The following MYT1L variants were observed in gnomAD, a reference collection of about 807,000 sequenced individuals.
MYT1L encodes the protein myelin transcription factor 1 like.
A neutral mutation model predicts 126.7 loss-of-function variants in MYT1L; 12 were observed. That is an observed-to-expected ratio of 0.09 (90% CI 0.06 to 0.15). MYT1L has a LOEUF of 0.15. MYT1L is among the 10% of genes least tolerant of loss of function. The probability of loss-of-function intolerance (pLI) is 1.00; values close to 1 mark genes in which losing one functional copy is unlikely to be tolerated. For missense variants in MYT1L, 979 were observed against 1,585.2 expected, an observed-to-expected ratio of 0.62 and a Z score of 6.49; for synonymous variants, 541 against 604.2, an observed-to-expected ratio of 0.90 and a Z score of 1.53.
chr2:2,236,191 T>TCCCAA (rs2094297519), intron 2 of MYT1L, among the ~76,000 whole-genome samples: 1 of 133,556 alleles, frequency 7.5e-6, no homozygotes, highest in Non-Finnish European at 1.6e-5. Flanking sequence ...ACCCAGCACA[T>TCCCAA]CCCAACCCAA....
chr2:1,950,010 C>A (rs919609493), intron 8 of MYT1L, among the ~76,000 whole-genome samples: 1 of 152,110 alleles, frequency 6.6e-6, no homozygotes, highest in African/African-American at 2.4e-5. Flanking sequence ...TTAATACCAG[C>A]ACTGCTTAGA....
At chr2:2,190,599 A>C (rs1559288424) in intron 2 of MYT1L, among the ~76,000 whole-genome samples, 1 of 151,886 alleles carries the variant, frequency 6.6e-6, no homozygotes, top group African/African-American at 2.4e-5. Context: ...CTCACAGAAG[A>C]AAGTACTTGT....
chr2:1,984,990 C>T (rs977267543), intron 5 of MYT1L, among the ~76,000 whole-genome samples: 5 of 152,142 alleles, frequency 3.3e-5, no homozygotes, highest in Non-Finnish European at 5.9e-5. Flanking sequence ...GAGTCTCTAG[C>T]CACAGGGACC....
At position 2,009,918 on chromosome 2, in the gene MYT1L, T is replaced by TTC. The variant is rs552518279; in HGVS notation, c.-157-12572_-157-12571insGA. On this transcript the variant is annotated intron_variant, in intron 4 of 24. Transcript: ENST00000647738. ...TAAGAGTTTTTTTTTTTTTTTTTTT[T>TTC]CATGAAAGGGTGTTGAACTTTGTGA... Among the ~76,000 whole-genome samples, 645 of 148,596 alleles carry TTC rather than the reference T, an allele frequency of 4.3e-3. 8 individuals carry two copies. The highest frequency in any genetic ancestry group is 0.015 in the African/African-American group (597 of 40,132).
rs1485996228 is a variant in MYT1L at position 1,806,821 on chromosome 2, G to A, written c.3172+2255C>T. Among the ~76,000 whole-genome samples the A allele has an allele frequency of 6.6e-6, 1 of 152,160 alleles. No homozygotes were observed. The highest frequency in any genetic ancestry group is 1.5e-5 in the Non-Finnish European group (1 of 68,028). ...AACCGCCACTTCCTTCATTAATGGG[G>A]AACAAAGGCACGTGGACTCGGATCA... On this transcript the variant is annotated intron_variant, in intron 22 of 24. Coordinates refer to ENST00000647738, the MANE Select transcript of MYT1L (RefSeq NM_001303052.2). The surrounding 1 kb of genome is among the most constrained non-coding windows in gnomAD (Gnocchi z 4.9).
chr2:2,085,847 CCT>C (rs1364116984), intron 3 of MYT1L, among the ~76,000 whole-genome samples: 1 of 152,176 alleles, frequency 6.6e-6, no homozygotes, highest in African/African-American at 2.4e-5. Flanking sequence ...CTCTCAGGCC[CCT>C]CTGTCCCCAC....
intron 8 of MYT1L, among the ~76,000 whole-genome samples, chr2:1,963,405 T>C (rs2149396795): frequency 6.6e-6 from 1 of 152,350 alleles, no homozygotes; most frequent in Admixed American, 6.5e-5. Flanking sequence ...AGAATGTAAA[T>C]GAGCATAAGC....
At chr2:2,265,439 T>G (rs1034720913) in intron 2 of MYT1L, among the ~76,000 whole-genome samples, 5 of 152,126 alleles carry the variant, frequency 3.3e-5, no homozygotes, top group African/African-American at 1.2e-4. Flanking sequence ...TAATAAATGA[T>G]AACTTTATTA....
intron 1 of MYT1L, among the ~76,000 whole-genome samples, chr2:2,329,059 T>C (rs1422427932): frequency 6.6e-6 from 1 of 152,210 alleles, no homozygotes; most frequent in Non-Finnish European, 1.5e-5. Context: ...GGACAGCTCC[T>C]GGTGCTGAAA....
intron 18 of MYT1L, among the ~76,000 whole-genome samples, chr2:1,858,819 C>T (rs559886034): frequency 3.3e-5 from 5 of 152,342 alleles, no homozygotes; most frequent in African/African-American, 4.8e-5. Flanking sequence ...TGCAAGATCC[C>T]GCATGGGGCG....
chr2:2,117,541 G>A (rs536888362), intron 3 of MYT1L, among the ~76,000 whole-genome samples: 3 of 152,142 alleles, frequency 2.0e-5, no homozygotes, highest in Non-Finnish European at 4.4e-5. Context: ...GTGCCAAGAC[G>A]CAGCCCTCAC....
intron 3 of MYT1L, among the ~76,000 whole-genome samples, chr2:2,069,957 G>A (rs534157423): frequency 1.4e-5 from 2 of 145,182 alleles, no homozygotes; most frequent in South Asian, 5.0e-4. Flanking sequence ...ACTTTCAAAA[G>A]AAGACATTTA....
chr2:2,037,253 C>G (rs1220484696), intron 4 of MYT1L, among the ~76,000 whole-genome samples: 1 of 152,198 alleles, frequency 6.6e-6, no homozygotes, highest in Admixed American at 6.5e-5. Flanking sequence ...TTTCTGCCAA[C>G]CTTTCTAAGT....
rs147598813 is a variant in MYT1L at position 1,791,108 on chromosome 2, G to A, written c.*759C>T. 1 of 425,548 alleles carries A rather than the reference G, an allele frequency of 2.3e-6. No homozygotes were observed. Among genetic ancestry groups the A allele is most frequent in the African/African-American group, 2.1e-5 (1 of 48,190 alleles). 26.4% of individuals were successfully genotyped at this position (425,548 alleles called of 1,614,324 possible). A position where few individuals can be genotyped will look rare whatever the true frequency, so the allele number is the denominator to read the frequency against. ...GTAACGCTTAGGAGTTAATTTAAAA[G>A]TGCTGTTTAAGCTGCTTTGAATCTT... is the stretch of plus-strand genomic sequence containing the variant. On this transcript the variant is annotated 3_prime_UTR_variant, in exon 25 of 25. Coordinates refer to ENST00000647738, the MANE Select transcript of MYT1L (RefSeq NM_001303052.2). This position sits in a 1 kb window ranked among gnomAD's most constrained non-coding sequence, Gnocchi z 6.0.
chr2:2,182,800 C>T (rs1364912665), intron 2 of MYT1L, among the ~76,000 whole-genome samples: 5 of 152,254 alleles, frequency 3.3e-5, no homozygotes, highest in Admixed American at 2.0e-4. Flanking sequence ...GCAGTCCCAG[C>T]GCGGCCCACA....
At chr2:1,956,785 T>G (rs2058519402) in intron 8 of MYT1L, among the ~76,000 whole-genome samples, 1 of 152,122 alleles carries the variant, frequency 6.6e-6, no homozygotes, top group Non-Finnish European at 1.5e-5. Context: ...ATAATACTGG[T>G]TTTGGACAGG....
intron 1 of MYT1L, among the ~76,000 whole-genome samples, chr2:2,304,418 A>G (rs1350250300): frequency 6.6e-6 from 1 of 152,212 alleles, no homozygotes; most frequent in Non-Finnish European, 1.5e-5. Flanking sequence ...CATCAGTTGT[A>G]CTCTGAAGTG....
intron 3 of MYT1L, among the ~76,000 whole-genome samples, chr2:2,113,662 G>A (rs895451093): frequency 1.3e-5 from 2 of 152,272 alleles, no homozygotes; most frequent in African/African-American, 4.8e-5. Context: ...CTGCTGCCTC[G>A]GGTGAGTTCA....
intron 1 of MYT1L, among the ~76,000 whole-genome samples, chr2:2,321,670 T>A (rs2096169554): frequency 6.6e-6 from 1 of 152,122 alleles, no homozygotes; most frequent in African/African-American, 2.4e-5. Context: ...GTGTTTGAGC[T>A]AGAAATCCTA....
Sources: allele counts gnomAD v4.1 joint callset (sites outside exome capture counted in the v4.1 genomes callset), GRCh38; gene constraint gnomAD v4.1.1; non-coding constraint Gnocchi (gnomAD v3.1); transcripts MANE v1.5; gene names NCBI Gene and HGNC (gene_info 2026-07-23, HGNC 2026-07-21).